The following NEGR1 variants were observed in gnomAD, a reference collection of about 807,000 sequenced individuals.
NEGR1 encodes IgLON family member 4.
In NEGR1, 10 loss-of-function variants were observed where a neutral mutation model predicts 40.9. The ratio of observed to expected loss-of-function variants is 0.24; its 90% CI spans 0.15 to 0.42. NEGR1 has a LOEUF of 0.42. Ranked by LOEUF, NEGR1 falls within the 10% of genes least tolerant of loss-of-function variation. The pLI, the probability that NEGR1 is intolerant of heterozygous loss-of-function variation, is 1.00. For synonymous variants in NEGR1, 185 were observed against 166.8 expected (o/e 1.11, Z -0.84); for missense variants, 352 against 438.9 (o/e 0.80, Z 1.77).
At chr1:71,942,638 A>T (rs915132803) in intron 1 of NEGR1, among the ~76,000 whole-genome samples, 1 of 132,962 alleles carries the variant, frequency 7.5e-6, no homozygotes, top group African/African-American at 2.8e-5. Context: ...AGTAGCTGGG[A>T]CTACAGGCGC....
intron 1 of NEGR1, among the ~76,000 whole-genome samples, chr1:71,985,951 A>C (rs915703181): frequency 6.6e-6 from 1 of 152,222 alleles, no homozygotes; most frequent in Admixed American, 6.5e-5. Context: ...AACTTTGCTC[A>C]TGAGAAGGAA....
chr1:71,467,207 A>C (rs548805587), intron 6 of NEGR1, among the ~76,000 whole-genome samples: 1 of 152,224 alleles, frequency 6.6e-6, no homozygotes, highest in East Asian at 1.9e-4. Context: ...TTAGTCAGTA[A>C]GTTAAATTTA....
At chr1:71,939,467 G>A (rs370946247) in intron 1 of NEGR1, among the ~76,000 whole-genome samples, 14 of 152,096 alleles carry the variant, frequency 9.2e-5, no homozygotes, top group African/African-American at 2.4e-5. Flanking sequence ...TTGGAGAAAG[G>A]AATAATATGA....
chr1:71,585,651 C>T (rs1345757663), intron 6 of NEGR1, among the ~76,000 whole-genome samples: 1 of 147,038 alleles, frequency 6.8e-6, no homozygotes, highest in Non-Finnish European at 1.5e-5. Context: ...GGGAGAAACA[C>T]ATCAGTAGAG....
intron 1 of NEGR1, among the ~76,000 whole-genome samples, chr1:71,956,376 T>C (rs1646119726): frequency 6.6e-6 from 1 of 152,118 alleles, no homozygotes; most frequent in African/African-American, 2.4e-5. Flanking sequence ...TTTTAAAAAA[T>C]CATCAAACCA....
chr1:72,261,066 A>C (rs946040442), intron 1 of NEGR1, among the ~76,000 whole-genome samples: 2 of 152,098 alleles, frequency 1.3e-5, no homozygotes, highest in African/African-American at 2.4e-5. Context: ...AATCATTTTA[A>C]CATTTTTGTT....
chr1:71,939,416 G>A lies in NEGR1; in HGVS notation c.177-4105C>T, dbSNP rs955561627. On this transcript the variant is annotated intron_variant, in intron 1 of 6. Transcript: ENST00000357731. ...AAAATAATGAACAATAAATGTAAGCGTGTGTTGAGTGGATAAATGAAGGTA... is the reference window on the plus strand; with the variant it reads ...AAAATAATGAACAATAAATGTAAGCATGTGTTGAGTGGATAAATGAAGGTA... Among the ~76,000 whole-genome samples the A allele has an allele frequency of 3.9e-5, 6 of 152,092 alleles. No homozygotes were observed. In the South Asian group the frequency reaches 1.2e-3, roughly 32 times the overall value.
chr1:71,796,531 T>C (rs1381422938), intron 2 of NEGR1, among the ~76,000 whole-genome samples: 1 of 152,196 alleles, frequency 6.6e-6, no homozygotes, highest in Non-Finnish European at 1.5e-5. Flanking sequence ...GCGAGCTGGA[T>C]GCGGCATAGC....
chr1:71,973,140 C>T (rs569831280), intron 1 of NEGR1, among the ~76,000 whole-genome samples: 3 of 152,028 alleles, frequency 2.0e-5, no homozygotes, highest in Admixed American at 6.6e-5. Context: ...CACGGTGAAA[C>T]CCCGTCTCTA....
At position 71,428,007 on chromosome 1, in the gene NEGR1, C is replaced by CACAG. The variant is rs951807220; in HGVS notation, c.941-20438_941-20437insCTGT. Among the ~76,000 whole-genome samples, 295 of 151,680 alleles carry CACAG rather than the reference C, an allele frequency of 1.9e-3. 1 individual carries two copies. The highest frequency in any genetic ancestry group is 6.8e-3 in the African/African-American group (282 of 41,370). ...GAGGCTGATAACACACTCACACACACACACACATGCATGCACACAAACACA... is the reference window on the plus strand; with the variant it reads ...GAGGCTGATAACACACTCACACACACACAGACACACATGCATGCACACAAACACA... On this transcript the variant is annotated intron_variant, in intron 6 of 6. Transcript: ENST00000357731.
rs531049516 is a variant in NEGR1, at chr1:71,800,704, T to C, written c.410-24407A>G. The stretch of plus-strand genomic sequence containing the variant: ...AGGACTGTGTTCCCATCCAGCCTCA[T>C]CCCTCCACTTGAGCACTAAGTCCAT... On this transcript the variant is annotated intron_variant, in intron 2 of 6. Transcript: ENST00000357731. 2.0e-5 allele frequency among the ~76,000 whole-genome samples: 3 copies of C among 152,262 alleles called. No individual in the cohort carries two copies. In the East Asian group the frequency reaches 5.8e-4, roughly 29 times the overall value.
At chr1:71,603,165 T>G (rs1460305468) in intron 5 of NEGR1, among the ~76,000 whole-genome samples, 2 of 152,252 alleles carry the variant, frequency 1.3e-5, no homozygotes, top group Non-Finnish European at 2.9e-5. Flanking sequence ...CTTTTCAAAT[T>G]ATCTTACAGG....
chr1:72,182,471 T>G (rs1652416354), intron 1 of NEGR1, among the ~76,000 whole-genome samples: 1 of 152,034 alleles, frequency 6.6e-6, no homozygotes, highest in Admixed American at 6.6e-5. Flanking sequence ...CCAGGCTGAG[T>G]GACAGAGCAA....
intron 1 of NEGR1, among the ~76,000 whole-genome samples, chr1:72,032,221 G>A (rs951725265): frequency 1.3e-5 from 2 of 152,148 alleles, no homozygotes; most frequent in African/African-American, 4.8e-5. Flanking sequence ...GTAACACCTA[G>A]ATTCTGTGAG....
At chr1:71,562,038 G>T (rs1648477201) in intron 6 of NEGR1, among the ~76,000 whole-genome samples, 1 of 150,770 alleles carries the variant, frequency 6.6e-6, no homozygotes. Flanking sequence ...ATGTAAGCTG[G>T]AATCAAGTGG....
At chr1:72,115,602 G>C (rs1480375640) in intron 1 of NEGR1, among the ~76,000 whole-genome samples, 1 of 151,672 alleles carries the variant, frequency 6.6e-6, no homozygotes. Flanking sequence ...AAAAGAGTCT[G>C]AAATGGGAGC....
chr1:71,647,069 G>C (rs1651554578), intron 4 of NEGR1, among the ~76,000 whole-genome samples: 2 of 151,834 alleles, frequency 1.3e-5, no homozygotes, highest in African/African-American at 4.8e-5. Flanking sequence ...TATGCCAATG[G>C]AATAGCTACT....
At chr1:71,629,436 G>A (rs1650899508) in intron 4 of NEGR1, among the ~76,000 whole-genome samples, 1 of 151,962 alleles carries the variant, frequency 6.6e-6, no homozygotes, top group Non-Finnish European at 1.5e-5. Flanking sequence ...TCCCCTTGAA[G>A]AGGTCCTTCA....
intron 3 of NEGR1, among the ~76,000 whole-genome samples, chr1:71,740,279 A>G (rs1257126978): frequency 6.6e-6 from 1 of 152,218 alleles, no homozygotes; most frequent in Non-Finnish European, 1.5e-5. Context: ...AGTTCTCAGT[A>G]AATGGTGAAT....
Sources: allele counts gnomAD v4.1 joint callset (sites outside exome capture counted in the v4.1 genomes callset), GRCh38; gene constraint gnomAD v4.1.1; transcripts MANE v1.5; gene names NCBI Gene and HGNC (gene_info 2026-07-23, HGNC 2026-07-21).